Variants in ANKUB1 observed in about 807,000 individuals in gnomAD.
The protein encoded by ANKUB1 is protein ANKUB1.
In ANKUB1, 42 loss-of-function variants were observed where a neutral mutation model predicts 49.3. The observed-to-expected ratio is 0.85, with a 90% CI of 0.67 to 1.10. The LOEUF (loss-of-function observed/expected upper bound fraction) is 1.10. Among genes scored for constraint, ANKUB1 ranks in the 50% least tolerant of loss-of-function variants. The pLI, the probability that ANKUB1 is intolerant of heterozygous loss-of-function variation, is 0.00. For missense variants in ANKUB1, 613 were observed against 642.0 expected (o/e 0.95, Z 0.49); for synonymous variants, 222 against 231.0 (o/e 0.96, Z 0.35).
chr3:149,781,104 G>GCA (rs1717849996), intron 2 of ANKUB1, among the ~76,000 whole-genome samples: 1 of 151,492 alleles, frequency 6.6e-6, no homozygotes, highest in Non-Finnish European at 1.5e-5. Context: ...GGGATTACAG[G>GCA]CGCGAGCCAC....
rs1264924325 is a variant in ANKUB1 at position 149,761,632 on chromosome 3, T to C, written c.1506-19A>G. 3.9e-6 allele frequency: 6 copies of C among 1,549,624 alleles called. No individual in the cohort carries two copies. In the Admixed American group the frequency reaches 9.8e-5, roughly 25 times the overall value. On this transcript the variant is annotated intron_variant, in intron 5 of 5. Transcript: ENST00000446160. ...AAAGGCACTGCAAGAAAACAAGATA[T>C]AATTTGTAAGGAGGTCTGATCTTGT...
rs1184656927 is a variant in ANKUB1, at chr3:149,768,107, A to G, written c.567-12T>C. On this transcript the variant is annotated splice_polypyrimidine_tract_variant and intron_variant, in intron 4 of 5. Transcript: ENST00000446160. ...CCCTTTTCTGATACCTAAATGAGTG[A>G]AACAAGTGGGGAGGGGGTGTTTAGA... 18 of 1,337,804 alleles carry G rather than the reference A, an allele frequency of 1.3e-5. No homozygotes were observed. The highest frequency in any genetic ancestry group is 1.7e-5 in the Non-Finnish European group (18 of 1,033,210). 82.9% of individuals were successfully genotyped at this position (1,337,804 alleles called of 1,614,324 possible).
At chr3:149,777,196 G>A (rs1559866878) in intron 3 of ANKUB1, among the ~76,000 whole-genome samples, 6 of 151,730 alleles carry the variant, frequency 4.0e-5, no homozygotes, top group South Asian at 4.2e-4. Context: ...GTTCTAGGCC[G>A]GGTGTGGTGG....
rs1717123115 is a variant in ANKUB1 at position 149,767,840 on chromosome 3, T to A, written c.822A>T (p.Gly274=). ...TGAACACAATGGTCAGGGGAGTTTG[T>A]CCTGCTGCATTTTTGCATTCCAGGC... ...VLCLECKNAA[G]QTPLTIVFKH... Residue 274 remains glycine (G), a synonymous_variant, in exon 5 of 6, where the codon GGA becomes GGT. Coordinates refer to ENST00000446160, the MANE Select transcript of ANKUB1 (RefSeq NM_001144960.3). The A allele has an allele frequency of 3.2e-6, 5 of 1,551,734 alleles. No homozygotes were observed. In the East Asian group the frequency reaches 1.2e-4, roughly 38 times the overall value.
intron 3 of ANKUB1, chr3:149,779,735 G>A (rs1717767330): frequency 6.4e-6 from 1 of 156,996 alleles, no homozygotes; most frequent in Non-Finnish European, 1.4e-5. Context: ...CATTTTGAAA[G>A]AGAAGAGATG....
Position 149,790,922 on chromosome 3 carries a change from A to G in ANKUB1, c.93T>C (p.Asp31=). 6.4e-7 allele frequency: 1 copy of G among 1,551,062 alleles called. No individual in the cohort carries two copies. The highest frequency in any genetic ancestry group is 2.4e-5 in the East Asian group (1 of 40,892). The change falls in exon 2 of 6, where the codon GAT becomes GAC. Residue 31 remains aspartate (D), a splice_region_variant and synonymous_variant. Transcript: ENST00000446160. The part of the protein sequence containing the change: ...TVEVVKLMIK[D]YFHIPLSEDK... ...CTTCAGAGAGAGGAATGTGGAAATA[A>G]TCCTTAAAAATCAATAGCATATTAT...
intron 2 of ANKUB1, among the ~76,000 whole-genome samples, chr3:149,787,088 A>G (rs1334020448): frequency 6.6e-6 from 1 of 152,174 alleles, no homozygotes; most frequent in Non-Finnish European, 1.5e-5. Context: ...ACTTTAAACT[A>G]GTTTTTTCCA....
Position 149,770,612 on chromosome 3 carries a change from C to G in ANKUB1, c.514G>C (p.Gly172Arg). Residue 172 changes from glycine (G) to arginine (R), a missense_variant, in exon 4 of 6, where the codon GGA becomes CGA. By Grantham distance (125) the Gly-to-Arg change is moderately radical (BLOSUM62 -2). Transcript: ENST00000446160. ...TAGCGTTGGACTTTAAGTTTTTGTC[C>G]AAGGAGACAACCCATCAGAAATTCC... ...WKEFLMGCLL[G>R]QKLKVQRYLS... 1 of 1,549,636 alleles carries G rather than the reference C, an allele frequency of 6.5e-7. No homozygotes were observed. Among genetic ancestry groups the G allele is most frequent in the Non-Finnish European group, 8.7e-7 (1 of 1,146,166 alleles).
At chr3:149,786,782 T>C (rs1718118461) in intron 2 of ANKUB1, among the ~76,000 whole-genome samples, 1 of 152,224 alleles carries the variant, frequency 6.6e-6, no homozygotes, top group South Asian at 2.1e-4. Flanking sequence ...AGTTTCAACT[T>C]TCTACTTTGG....
intron 4 of ANKUB1, 130 bp downstream of exon 4, chr3:149,770,430 C>A: frequency 1.5e-6 from 1 of 662,088 alleles, no homozygotes; most frequent in Admixed American, 3.0e-5. Context: ...TTGGTTGAGA[C>A]ATACTAAGTG....
In ANKUB1 at chr3:149,775,717, CCTT is replaced by C. The variant is rs1297910263; in HGVS notation, c.451+4519_451+4521del. 2.0e-5 allele frequency among the ~76,000 whole-genome samples: 3 copies of C among 152,020 alleles called. No homozygotes were observed. In the East Asian group the frequency reaches 5.8e-4, roughly 29 times the overall value. On this transcript the variant is annotated intron_variant, in intron 3 of 5. Coordinates refer to ENST00000446160, the MANE Select transcript of ANKUB1 (RefSeq NM_001144960.3). ...TCATTCACTCATTTGTTTAGGTACT[CCTT>C]GTTTCAGAAAGGATGAATGCCAGTT...
Position 149,792,383 on chromosome 3 carries a change from C to T in ANKUB1, c.-17G>A. 2 of 1,453,140 alleles carry T rather than the reference C, an allele frequency of 1.4e-6. No homozygotes were observed. Among genetic ancestry groups the T allele is most frequent in the South Asian group, 2.8e-5 (2 of 71,232 alleles). 90.0% of individuals were successfully genotyped at this position (1,453,140 alleles called of 1,614,324 possible). On this transcript the variant is annotated 5_prime_UTR_variant, in exon 1 of 6. Transcript: ENST00000446160. Reference sequence around the variant, plus strand: ...AATCCTCATTGTACAATTACCTTTTCAAACAAAAAATATCCAACTTTTTCA... The same window carrying T: ...AATCCTCATTGTACAATTACCTTTTTAAACAAAAAATATCCAACTTTTTCA...
At chr3:149,766,291 C>T (rs565570991) in intron 5 of ANKUB1, among the ~76,000 whole-genome samples, 2 of 152,236 alleles carry the variant, frequency 1.3e-5, no homozygotes, top group South Asian at 2.1e-4. Context: ...TGTATCTTGC[C>T]TAGTCAGTCA....
At chr3:149,783,353 C>A (rs921992631) in intron 2 of ANKUB1, 1 of 152,200 alleles carries the variant, frequency 6.6e-6, no homozygotes, top group African/African-American at 2.4e-5. Context: ...ATACCACACA[C>A]AAATCATTGT....
intron 4 of ANKUB1, 106 bp from the exon 5 acceptor site, chr3:149,768,201 T>A: frequency 1.2e-6 from 1 of 853,460 alleles, no homozygotes; most frequent in Non-Finnish European, 1.7e-6. Flanking sequence ...TGTTTATTTC[T>A]TCTTAACTTT....
chr3:149,785,990 T>C (rs543671940), intron 2 of ANKUB1, among the ~76,000 whole-genome samples: 35 of 151,974 alleles, frequency 2.3e-4, no homozygotes, highest in Non-Finnish European at 5.0e-4. Context: ...GTGGTTTTGA[T>C]TTGCATTTCT....
intron 3 of ANKUB1, among the ~76,000 whole-genome samples, chr3:149,776,786 C>T (rs945245117): frequency 7.0e-6 from 1 of 143,292 alleles, no homozygotes; most frequent in Non-Finnish European, 1.5e-5. Flanking sequence ...CATGGTGAAA[C>T]CCTGTCTCTA....
intron 3 of ANKUB1, among the ~76,000 whole-genome samples, chr3:149,777,244 C>T (rs942094047): frequency 5.9e-5 from 9 of 151,994 alleles, no homozygotes; most frequent in Non-Finnish European, 1.0e-4. Flanking sequence ...GAGGCCAAGG[C>T]GGGCAGATCA....
At position 149,769,229 on chromosome 3, in the gene ANKUB1, A is replaced by G. The variant is rs887734003; in HGVS notation, c.567-1134T>C. On this transcript the variant is annotated intron_variant, in intron 4 of 5. Coordinates refer to ENST00000446160, the MANE Select transcript of ANKUB1 (RefSeq NM_001144960.3). ...TAAAGTACTATTAAACCTACAGATT[A>G]GTGCAATTTATGTATTTGAGAAGCT... 7.2e-5 allele frequency among the ~76,000 whole-genome samples: 11 copies of G among 152,340 alleles called. No homozygotes were observed. The South Asian group carries it at 2.3e-3, about 32-fold the overall frequency.
Sources: allele counts gnomAD v4.1 joint callset (sites outside exome capture counted in the v4.1 genomes callset), GRCh38; gene constraint gnomAD v4.1.1; transcripts MANE v1.5; gene names NCBI Gene and HGNC (gene_info 2026-07-23, HGNC 2026-07-21).